The following DPH7 variants were observed in gnomAD, a reference collection of about 807,000 sequenced individuals.
The protein encoded by DPH7 is diphthamide biosynthesis 7.
In DPH7, 44 loss-of-function variants were observed where a neutral mutation model predicts 41.7. The observed-to-expected ratio is 1.05, with a 90% confidence interval of 0.83 to 1.36. The LOEUF (loss-of-function observed/expected upper bound fraction) is 1.36, where lower values mean the gene tolerates loss of function less well. Ranked by LOEUF, DPH7 falls within the 40% of genes most tolerant of loss-of-function variation. The pLI is 0.00. For missense variants in DPH7, 629 were observed against 577.5 expected (o/e 1.09, Z -0.91); for synonymous variants, 275 against 238.0 (o/e 1.16, Z -1.43).
At chr9:137,574,092 G>A (rs1840958252) in intron 5 of DPH7, 116 bp downstream of exon 5, 1 of 1,131,862 alleles carries the variant, frequency 8.8e-7, no homozygotes, top group Admixed American at 2.2e-5. Flanking sequence ...TTCCATAAAA[G>A]GTCTTCAAGA....
chr9:137,577,513 C>T lies in DPH7; in HGVS notation c.244G>A (p.Glu82Lys), dbSNP rs1449832304. Residue 82 changes from glutamate (E) to lysine (K), a missense_variant, in exon 2 of 9, where the codon GAG (glutamate) becomes AAG (lysine). Transcript: ENST00000277540. Reference protein sequence around the residue: ...NDNNSIHPLVEVQRKDTSAIL... With the variant: ...NDNNSIHPLVKVQRKDTSAIL... ...GCAGAAGTATCTTTTCTTTGGACCT[C>T]GACCAGAGGGTGAATAGAGTTGTTG... 4 of 1,614,046 alleles carry T rather than the reference C, an allele frequency of 2.5e-6. No homozygotes were observed. The highest frequency in any genetic ancestry group is 1.1e-5 in the South Asian group (1 of 91,078).
chr9:137,557,004 T>C, intron 8 of DPH7: 1 of 427,372 alleles, frequency 2.3e-6, no homozygotes. Flanking sequence ...TCGCATAGGC[T>C]GGAGTGCACT....
chr9:137,569,771 ATCTATCCAG>A (rs1159590023), intron 5 of DPH7, among the ~76,000 whole-genome samples: 2 of 138,900 alleles, frequency 1.4e-5, no homozygotes, highest in Non-Finnish European at 3.1e-5. Flanking sequence ...TCCACCATCC[ATCTATCCAG>A]TCACTCACCA....
At position 137,578,867 on chromosome 9, in the gene DPH7, G is replaced by A. The variant is rs985481765; in HGVS notation, c.-90C>T. ...TGCGCGGGGCGGCGAGGCCGGGGCC[G>A]GCCGGACGAGCGCAGAGCCCCAGGG... On this transcript the variant is annotated 5_prime_UTR_variant, in exon 1 of 9. Transcript: ENST00000277540. 3.9e-6 allele frequency: 5 copies of A among 1,282,762 alleles called. No homozygotes were observed. The highest frequency in any genetic ancestry group is 3.1e-5 in the African/African-American group (2 of 63,910). 79.5% of individuals were successfully genotyped at this position (1,282,762 alleles called of 1,614,324 possible). A position where few individuals can be genotyped will look rare whatever the true frequency, so the allele number is the denominator to read the frequency against.
rs539508874 is a variant in DPH7, at chr9:137,555,192, G to C, written c.*47C>G. ...AGGTGGTCCCGGGCACTCACTCGCA[G>C]TCTCCCTCCTGGTTTCCTTGTGGGA... On this transcript the variant is annotated 3_prime_UTR_variant, in exon 9 of 9. Transcript: ENST00000277540. 18 of 1,545,718 alleles carry C rather than the reference G, an allele frequency of 1.2e-5. No individual in the cohort carries two copies. The highest frequency in any genetic ancestry group is 2.7e-5 in the African/African-American group (2 of 73,158).
chr9:137,571,234 T>A (rs1840377749), intron 5 of DPH7, among the ~76,000 whole-genome samples: 1 of 152,000 alleles, frequency 6.6e-6, no homozygotes, highest in Non-Finnish European at 1.5e-5. Context: ...CTCGCCAGGC[T>A]GGAGTGCAGT....
intron 5 of DPH7, among the ~76,000 whole-genome samples, chr9:137,570,652 G>C (rs565497902): frequency 2.0e-5 from 3 of 152,280 alleles, no homozygotes; most frequent in South Asian, 4.1e-4. Context: ...AGTCCTTCCT[G>C]GAGCCTGCAC....
At position 137,577,607 on chromosome 9, in the gene DPH7, C is replaced by G; in HGVS notation, c.154-4G>C. 6.2e-7 allele frequency: 1 copy of G among 1,610,386 alleles called. No homozygotes were observed. Among genetic ancestry groups the G allele is most frequent in the Non-Finnish European group, 8.5e-7 (1 of 1,178,732 alleles). ...GCTCCTTAACTTCCATTCCACCCTA[C>G]AAAAAATGCAGAGGTAGTCTCTGAT... On this transcript the variant is annotated splice_region_variant and splice_polypyrimidine_tract_variant and intron_variant, in intron 1 of 8. Coordinates refer to ENST00000277540, the MANE Select transcript of DPH7 (RefSeq NM_138778.5).
intron 8 of DPH7, among the ~76,000 whole-genome samples, chr9:137,561,340 CACGACCCCGGCCA>C (rs1458470402): frequency 1.3e-5 from 2 of 151,998 alleles, no homozygotes; most frequent in African/African-American, 2.4e-5. Flanking sequence ...GGCAAAAATG[CACGACCCCGGCCA>C]ACATGGTGAA....
chr9:137,570,638 A>G (rs1211238316), intron 5 of DPH7, among the ~76,000 whole-genome samples: 1 of 152,208 alleles, frequency 6.6e-6, no homozygotes, highest in Non-Finnish European at 1.5e-5. Context: ...TGAGTAGGAA[A>G]CAAAGTCCTT....
intron 5 of DPH7, among the ~76,000 whole-genome samples, chr9:137,572,678 GGAAA>G (rs1436328539): frequency 3.9e-5 from 6 of 152,160 alleles, no homozygotes; most frequent in African/African-American, 1.4e-4. Context: ...TCTCTACCTG[GGAAA>G]GAGATGCTAG....
chr9:137,578,870 C>T lies in DPH7; in HGVS notation c.-93G>A. The T allele has an allele frequency of 2.3e-6, 3 of 1,276,712 alleles. No individual in the cohort carries two copies. Among genetic ancestry groups the T allele is most frequent in the Non-Finnish European group, 1.0e-6 (1 of 997,154 alleles). 79.1% of individuals were successfully genotyped at this position (1,276,712 alleles called of 1,614,324 possible). A position where few individuals can be genotyped will look rare whatever the true frequency, so the allele number is the denominator to read the frequency against. On this transcript the variant is annotated 5_prime_UTR_variant, in exon 1 of 9. Coordinates refer to ENST00000277540, the MANE Select transcript of DPH7 (RefSeq NM_138778.5). ...GCGGGGCGGCGAGGCCGGGGCCGGC[C>T]GGACGAGCGCAGAGCCCCAGGGACA...
chr9:137,574,490 T>C, intron 4 of DPH7, 110 bp from the exon 5 acceptor site: 1 of 1,200,340 alleles, frequency 8.3e-7, no homozygotes, highest in Non-Finnish European at 1.2e-6. Flanking sequence ...GATGCGGATA[T>C]GCCCCTTAAG....
At chr9:137,575,017 C>A in intron 3 of DPH7, 174 bp from the exon 4 acceptor site, 1 of 1,410,926 alleles carries the variant, frequency 7.1e-7, no homozygotes, top group South Asian at 1.5e-5. Context: ...CTAGGGGCCC[C>A]GAGAAGACCT....
At chr9:137,576,556 A>G (rs1197235389) in intron 2 of DPH7, among the ~76,000 whole-genome samples, 1 of 152,210 alleles carries the variant, frequency 6.6e-6, no homozygotes, top group African/African-American at 2.4e-5. Flanking sequence ...TGAGCAACAT[A>G]GCAAGACCCT....
chr9:137,571,712 C>T (rs1328629132), intron 5 of DPH7, among the ~76,000 whole-genome samples: 1 of 151,988 alleles, frequency 6.6e-6, no homozygotes, highest in Non-Finnish European at 1.5e-5. Flanking sequence ...CACTTGAACC[C>T]AGGAGGTGGA....
intron 2 of DPH7, among the ~76,000 whole-genome samples, chr9:137,576,823 G>A (rs1168765989): frequency 6.6e-6 from 1 of 152,006 alleles, no homozygotes; most frequent in Non-Finnish European, 1.5e-5. Flanking sequence ...TCAGGAGGCG[G>A]AGCTTGCAGT....
At chr9:137,573,539 T>G (rs1195731236) in intron 5 of DPH7, among the ~76,000 whole-genome samples, 1 of 142,198 alleles carries the variant, frequency 7.0e-6, no homozygotes, top group East Asian at 2.1e-4. Context: ...AAAAATTAGC[T>G]GGACATGGTG....
rs746762575 is a variant in DPH7 at position 137,576,219 on chromosome 9, GCACTGTGCGTCCCGGTAACCACAGT to G, written c.288-77_288-53del. ...ACCAATGTGCCCGGAGCACAGGCGT[GCACTGTGCGTCCCGGTAACCACAGT>G]CACGCTTCCCTTAACAACGGGGCTG... is the stretch of plus-strand genomic sequence containing the variant. On this transcript the variant is annotated intron_variant, in intron 2 of 8. Coordinates refer to ENST00000277540, the MANE Select transcript of DPH7 (RefSeq NM_138778.5). 23 of 1,523,750 alleles carry G rather than the reference GCACTGTGCGTCCCGGTAACCACAGT, an allele frequency of 1.5e-5. No individual in the cohort carries two copies. In the African/African-American group the frequency reaches 2.0e-4, roughly 14 times the overall value. The allele number at this position is 1,523,750 out of a possible 1,614,324, so 94.4% of individuals were successfully genotyped here.
Sources: allele counts gnomAD v4.1 joint callset (sites outside exome capture counted in the v4.1 genomes callset), GRCh38; gene constraint gnomAD v4.1.1; transcripts MANE v1.5; gene names NCBI Gene and HGNC (gene_info 2026-07-23, HGNC 2026-07-21).